Variants in MTHFS observed in about 807,000 individuals in gnomAD.
MTHFS encodes the protein 5-formyltetrahydrofolate cyclo-ligase.
Under a neutral mutation model 12.7 loss-of-function variants are expected in MTHFS, and 7 were observed. That is an observed-to-expected ratio of 0.55 (90% CI 0.31 to 1.03). MTHFS has a LOEUF of 1.03. Among genes scored for constraint, MTHFS ranks in the 50% least tolerant of loss-of-function variants. The probability of loss-of-function intolerance (pLI) is 0.05; values close to 1 mark genes in which losing one functional copy is unlikely to be tolerated. For missense variants in MTHFS, 252 were observed against 258.1 expected, an observed-to-expected ratio of 0.98 and a Z score of 0.16; for synonymous variants, 100 against 97.1, an observed-to-expected ratio of 1.03 and a Z score of -0.18.
At chr15:79,851,387 T>C (rs529443912) in intron 2 of MTHFS, among the ~76,000 whole-genome samples, 6 of 152,308 alleles carry the variant, frequency 3.9e-5, no homozygotes, top group Admixed American at 1.3e-4. Flanking sequence ...GTGAAGGATA[T>C]AAGGGATATA....
At chr15:79,866,524 A>T (rs561479012) in intron 2 of MTHFS, among the ~76,000 whole-genome samples, 14 of 152,350 alleles carry the variant, frequency 9.2e-5, no homozygotes, top group African/African-American at 3.4e-4. Context: ...GTAGGATGAC[A>T]GCCAAGCAGA....
At chr15:79,888,804 A>C (rs2034424737) in intron 2 of MTHFS, among the ~76,000 whole-genome samples, 1 of 152,256 alleles carries the variant, frequency 6.6e-6, no homozygotes, top group East Asian at 1.9e-4. Flanking sequence ...ATTAGCAAGC[A>C]GACCATAACT....
chr15:79,844,857 C>T lies in MTHFS; in HGVS notation c.*353G>A. On this transcript the variant is annotated 3_prime_UTR_variant, in exon 3 of 3. Coordinates refer to ENST00000258874, the MANE Select transcript of MTHFS (RefSeq NM_006441.4). The stretch of plus-strand genomic sequence containing the variant: ...AGGTCATGAAAGGCGTAATGAAATA[C>T]AGTGCCCACTCCCGCAAGTTTACCT... The T allele has an allele frequency of 7.0e-6, 2 of 284,078 alleles. No homozygotes were observed. The highest frequency in any genetic ancestry group is 7.7e-5 in the South Asian group (2 of 25,842). The allele number at this position is 284,078 out of a possible 1,614,324, so 17.6% of individuals were successfully genotyped here. A position where few individuals can be genotyped will look rare whatever the true frequency, so the allele number is the denominator to read the frequency against.
At chr15:79,863,831 A>G (rs2033958956) in intron 2 of MTHFS, among the ~76,000 whole-genome samples, 1 of 152,216 alleles carries the variant, frequency 6.6e-6, no homozygotes, top group Non-Finnish European at 1.5e-5. Context: ...CAGACTATAA[A>G]TACAACTCCC....
At chr15:79,845,945 C>A (rs931486043) in intron 2 of MTHFS, among the ~76,000 whole-genome samples, 2 of 152,166 alleles carry the variant, frequency 1.3e-5, no homozygotes, top group Non-Finnish European at 2.9e-5. Context: ...CATTTCCCCT[C>A]CCATTGGAGA....
intron 2 of MTHFS, among the ~76,000 whole-genome samples, chr15:79,854,134 T>C (rs2033760623): frequency 6.6e-6 from 1 of 152,140 alleles, no homozygotes; most frequent in Non-Finnish European, 1.5e-5. Context: ...GCCTTGGTGG[T>C]GGAATCAGTC....
chr15:79,870,572 C>T (rs1485705723), intron 2 of MTHFS, among the ~76,000 whole-genome samples: 1 of 151,900 alleles, frequency 6.6e-6, no homozygotes, highest in East Asian at 1.9e-4. Context: ...CACTCACGGA[C>T]CATGCTGAAA....
chr15:79,896,820 A>G (rs753060934), intron 1 of MTHFS, 52 bp downstream of exon 1: 2 of 1,502,642 alleles, frequency 1.3e-6, no homozygotes, highest in Non-Finnish European at 8.9e-7. Context: ...GCTGGCCGCC[A>G]GGCCTTCGGA....
At chr15:79,891,014 C>T (rs2034464052) in intron 1 of MTHFS, among the ~76,000 whole-genome samples, 1 of 152,194 alleles carries the variant, frequency 6.6e-6, no homozygotes, top group African/African-American at 2.4e-5. Context: ...GCATATTTAT[C>T]TTCCTTCCTC....
At chr15:79,874,682 GGAA>G (rs918157738) in intron 2 of MTHFS, among the ~76,000 whole-genome samples, 1 of 152,126 alleles carries the variant, frequency 6.6e-6, no homozygotes, top group African/African-American at 2.4e-5. Context: ...GAAAAACTGG[GGAA>G]GAAGATGTCC....
chr15:79,860,673 A>G (rs2033896495), intron 2 of MTHFS, among the ~76,000 whole-genome samples: 1 of 892 alleles, frequency 1.1e-3, no homozygotes, highest in African/African-American at 5.2e-3. Context: ...TTAAAATTTA[A>G]GGATTTTTTT....
intron 2 of MTHFS, among the ~76,000 whole-genome samples, chr15:79,872,351 T>G (rs921234836): frequency 6.6e-6 from 1 of 152,188 alleles, no homozygotes; most frequent in Non-Finnish European, 1.5e-5. Flanking sequence ...TCTGGTCTTG[T>G]AGGGCTCAGG....
chr15:79,849,354 C>A (rs1478156309), intron 2 of MTHFS, among the ~76,000 whole-genome samples: 1 of 152,182 alleles, frequency 6.6e-6, no homozygotes, highest in Non-Finnish European at 1.5e-5. Context: ...GAAGCTCTTC[C>A]TGTGCCTTAC....
intron 2 of MTHFS, among the ~76,000 whole-genome samples, chr15:79,872,312 C>T (rs1036367491): frequency 2.6e-5 from 4 of 152,136 alleles, no homozygotes; most frequent in Non-Finnish European, 4.4e-5. Flanking sequence ...TGTAACATTA[C>T]CAGGTAACAC....
intron 2 of MTHFS, among the ~76,000 whole-genome samples, chr15:79,888,309 G>A (rs2141375996): frequency 6.6e-6 from 1 of 152,272 alleles, no homozygotes; most frequent in East Asian, 1.9e-4. Flanking sequence ...TAGAAAGATA[G>A]CAGGGCCAAG....
intron 2 of MTHFS, among the ~76,000 whole-genome samples, chr15:79,862,000 T>A (rs1165736293): frequency 6.6e-6 from 1 of 152,188 alleles, no homozygotes; most frequent in African/African-American, 2.4e-5. Context: ...TTTAAATTAT[T>A]TACCATGTGA....
At chr15:79,858,150 G>T (rs2033845336) in intron 2 of MTHFS, among the ~76,000 whole-genome samples, 1 of 151,926 alleles carries the variant, frequency 6.6e-6, no homozygotes, top group Admixed American at 6.6e-5. Context: ...TCACTTTATG[G>T]AAGGCCCTGC....
intron 2 of MTHFS, among the ~76,000 whole-genome samples, chr15:79,850,890 C>A (rs2033706205): frequency 6.6e-6 from 1 of 152,146 alleles, no homozygotes; most frequent in African/African-American, 2.4e-5. Flanking sequence ...ATTCAGTTCA[C>A]CGTACAAAAC....
Position 79,858,091 on chromosome 15 carries a change from G to A in MTHFS, c.380-12649C>T, listed in dbSNP as rs544852040. 8.1e-5 allele frequency among the ~76,000 whole-genome samples: 12 copies of A among 148,912 alleles called. No homozygotes were observed. In the South Asian group the frequency reaches 2.5e-3, roughly 32 times the overall value. ...CTTTACAGGAAAAGAGCAGAAAAAA[G>A]TTTGAATCAAAATTTAATGGATTCA... On this transcript the variant is annotated intron_variant, in intron 2 of 2. Transcript: ENST00000258874.
Sources: allele counts gnomAD v4.1 joint callset (sites outside exome capture counted in the v4.1 genomes callset), GRCh38; gene constraint gnomAD v4.1.1; transcripts MANE v1.5; gene names NCBI Gene and HGNC (gene_info 2026-07-23, HGNC 2026-07-21).